The following ATP7A variants were observed in gnomAD, a reference collection of about 807,000 sequenced individuals.
ATP7A encodes ATPase copper transporting alpha, also known as copper-transporting ATPase 1.
In ATP7A, 7 loss-of-function variants were observed where a neutral mutation model predicts 83.5. That is an observed-to-expected ratio of 0.08 (90% CI 0.05 to 0.16). ATP7A has a LOEUF of 0.16. Ranked by LOEUF, ATP7A falls within the 10% of genes least tolerant of loss-of-function variation. The pLI is 1.00. For missense variants in ATP7A, 940 were observed against 1,120.8 expected, an observed-to-expected ratio of 0.84 and a Z score of 2.30; for synonymous variants, 354 against 395.2, an observed-to-expected ratio of 0.90 and a Z score of 1.24.
chrX:78,011,351 G>A (rs1756914219), intron 8 of ATP7A, 98 bp from the exon 9 acceptor site: 1 of 1,050,920 alleles, frequency 9.5e-7, no homozygotes, highest in East Asian at 3.0e-5. Context: ...TATACTGGAT[G>A]AAATGGTCAC....
rs782315797 is a variant in ATP7A, at chrX:77,977,232, A to C, written c.120+5471A>C. Among the ~76,000 whole-genome samples the C allele has an allele frequency of 2.1e-3, 236 of 111,989 alleles. 3 individuals carry two copies. The highest frequency in any genetic ancestry group is 7.4e-3 in the African/African-American group (229 of 30,890). On this transcript the variant is annotated intron_variant, in intron 2 of 22. Coordinates refer to ENST00000341514, the MANE Select transcript of ATP7A (RefSeq NM_000052.7). ...CACTGAGTAATAAGTATGACACATG[A>C]ATTTGATTTATCCTCAGATGAAACT...
At chrX:77,990,381 C>T (rs1253927425) in intron 4 of ATP7A, among the ~76,000 whole-genome samples, 1 of 111,437 alleles carries the variant, frequency 9.0e-6, no homozygotes, top group East Asian at 2.8e-4. Flanking sequence ...GAATAAGATT[C>T]CTGGTAGGAT....
chrX:77,914,995 G>A (rs1557222357), intron 1 of ATP7A, among the ~76,000 whole-genome samples: 1 of 110,750 alleles, frequency 9.0e-6, no homozygotes, highest in African/African-American at 3.3e-5. Flanking sequence ...ATATTGTTTT[G>A]GAGAGACAGT....
At chrX:77,957,650 T>C (rs1557227561) in intron 1 of ATP7A, among the ~76,000 whole-genome samples, 2 of 110,746 alleles carry the variant, frequency 1.8e-5, no homozygotes, top group African/African-American at 6.5e-5. Context: ...GTAATCTCAT[T>C]TGTCTACTTT....
rs1557229679 is a variant in ATP7A at position 77,971,693 on chromosome X, A to G, written c.52A>G (p.Thr18Ala). 4 of 1,210,426 alleles carry G rather than the reference A, an allele frequency of 3.3e-6. No homozygotes were observed. In the Admixed American group the frequency reaches 8.7e-5, roughly 26 times the overall value. ...NSVTISVEGM[T>A]CNSCVWTIEQ... is the part of the protein sequence containing the mutation. ...TGTTACCATTTCTGTTGAGGGTATG[A>G]CTTGCAATTCCTGTGTTTGGACCAT... The change falls in exon 2 of 23, where the codon ACT becomes GCT. Residue 18 changes from threonine (T) to alanine (A), a missense_variant. Physicochemically the swap from Thr to Ala is moderately conservative, Grantham distance 58. This residue lies in a region of ATP7A where 350 missense variants were observed against 432.8 expected (regional missense o/e 0.81). Coordinates refer to ENST00000341514, the MANE Select transcript of ATP7A (RefSeq NM_000052.7).
intron 14 of ATP7A, among the ~76,000 whole-genome samples, chrX:78,027,361 A>T (rs1462841053): frequency 9.0e-6 from 1 of 111,729 alleles, no homozygotes; most frequent in East Asian, 2.8e-4. Context: ...TACAATAATC[A>T]CACACAAAAC....
intron 1 of ATP7A, among the ~76,000 whole-genome samples, chrX:77,932,519 C>G (rs1462940244): frequency 8.9e-6 from 1 of 112,750 alleles, no homozygotes; most frequent in African/African-American, 3.2e-5. Context: ...CGGGCAGAGG[C>G]TGCAATCTCG....
intron 1 of ATP7A, among the ~76,000 whole-genome samples, chrX:77,932,631 A>C (rs1557224642): frequency 8.9e-6 from 1 of 112,690 alleles, no homozygotes; most frequent in Admixed American, 9.3e-5. Flanking sequence ...CACTGAGTGA[A>C]CCAGACTCCG....
chrX:78,022,843 G>T (rs2077917219), intron 14 of ATP7A, among the ~76,000 whole-genome samples: 1 of 111,121 alleles, frequency 9.0e-6, no homozygotes, highest in African/African-American at 3.3e-5. Context: ...TATTACATGG[G>T]TATATTGGGT....
chrX:77,929,625 CTTTTCT>C (rs1257861760), intron 1 of ATP7A, among the ~76,000 whole-genome samples: 1 of 104,654 alleles, frequency 9.6e-6, no homozygotes, highest in African/African-American at 3.6e-5. Flanking sequence ...TAATTTGTTT[CTTTTCT>C]TTTTCTTTTT....
intron 8 of ATP7A, 57 bp downstream of exon 8, chrX:78,011,309 T>G (rs929071620): frequency 5.4e-6 from 6 of 1,114,044 alleles, no homozygotes; most frequent in Non-Finnish European, 7.4e-6. Context: ...TACAAATTTT[T>G]TTTTGCATGT....
intron 4 of ATP7A, 42 bp from the exon 5 acceptor site, chrX:77,998,436 G>A (rs782558060): frequency 8.6e-7 from 1 of 1,159,474 alleles, no homozygotes; most frequent in Non-Finnish European, 1.2e-6. Flanking sequence ...GCAATTGAAT[G>A]ATCAATACTG....
chrX:78,034,412 T>C (rs1557237518), intron 17 of ATP7A, among the ~76,000 whole-genome samples: 1 of 111,632 alleles, frequency 9.0e-6, no homozygotes, highest in Admixed American at 9.5e-5. Flanking sequence ...CTAGATTTTG[T>C]CCTTTCCCAT....
intron 14 of ATP7A, among the ~76,000 whole-genome samples, chrX:78,023,760 T>A (rs2077923377): frequency 8.9e-6 from 1 of 112,178 alleles, no homozygotes; most frequent in African/African-American, 3.2e-5. Flanking sequence ...GTGTTTATTC[T>A]GTTGATTGTT....
intron 6 of ATP7A, among the ~76,000 whole-genome samples, chrX:78,008,675 A>C (rs1203065608): frequency 2.7e-5 from 3 of 110,963 alleles, no homozygotes; most frequent in Admixed American, 9.7e-5. Flanking sequence ...ATGTGGTATA[A>C]AAATGGTATC....
chrX:78,027,216 C>A (rs1367156574), intron 14 of ATP7A, among the ~76,000 whole-genome samples: 1 of 110,653 alleles, frequency 9.0e-6, no homozygotes, highest in Non-Finnish European at 1.9e-5. Context: ...ATAAAGATTT[C>A]TCCAAAAGAC....
chrX:77,943,785 C>A (rs1361908771), intron 1 of ATP7A, among the ~76,000 whole-genome samples: 1 of 111,735 alleles, frequency 8.9e-6, no homozygotes, highest in Admixed American at 9.6e-5. Context: ...TTGTTCTTAA[C>A]TGCTGTATAG....
chrX:78,034,992 C>T (rs1054690163), intron 17 of ATP7A, among the ~76,000 whole-genome samples: 8 of 110,856 alleles, frequency 7.2e-5, no homozygotes, highest in Non-Finnish European at 1.1e-4. Context: ...GATCCACCCA[C>T]CTCAGCCTCT....
At chrX:77,982,625 A>G (rs898313606) in intron 2 of ATP7A, among the ~76,000 whole-genome samples, 1 of 112,774 alleles carries the variant, frequency 8.9e-6, no homozygotes, top group African/African-American at 3.2e-5. Flanking sequence ...CAGATTATTT[A>G]TAAGCCATAA....
Sources: gnomAD v4.1 joint callset for allele counts (sites outside exome capture counted in the v4.1 genomes callset) on GRCh38, gnomAD v4.1.1 for gene constraint, gnomAD v4.1.1 regional missense constraint, MANE v1.5 for transcripts, NCBI Gene and HGNC (gene_info 2026-07-23, HGNC 2026-07-21) for gene names.